TRPM6: variants seen among roughly 807,000 people sequenced by gnomAD.
The protein encoded by TRPM6 is channel kinase 2.
TRPM6 carries 111 observed loss-of-function variants against 247.6 expected under a neutral mutation model. The observed-to-expected ratio is 0.45, with a 90% CI of 0.38 to 0.52. The LOEUF (loss-of-function observed/expected upper bound fraction) is 0.52. Among genes scored for constraint, TRPM6 ranks in the 20% least tolerant of loss-of-function variants. TRPM6 has a pLI of 0.00. For synonymous variants in TRPM6, 892 were observed against 853.8 expected (o/e 1.04, Z -0.78); for missense variants, 2,126 against 2,421.5 (o/e 0.88, Z 2.56).
chr9:74,778,911 A>G (rs1827321260), intron 23 of TRPM6, among the ~76,000 whole-genome samples: 1 of 152,074 alleles, frequency 6.6e-6, no homozygotes, highest in South Asian at 2.1e-4. Context: ...TCCTTCCCAA[A>G]GAGTCCAAAG....
At chr9:74,790,560 C>T (rs900805285) in intron 19 of TRPM6, among the ~76,000 whole-genome samples, 6 of 152,148 alleles carry the variant, frequency 3.9e-5, no homozygotes, top group African/African-American at 1.4e-4. Context: ...TTAATGGTCT[C>T]CCCTACATAA....
At chr9:74,817,470 C>T (rs1012023583) in intron 9 of TRPM6, among the ~76,000 whole-genome samples, 7 of 152,178 alleles carry the variant, frequency 4.6e-5, no homozygotes, top group Non-Finnish European at 8.8e-5. Flanking sequence ...GGATTACAGG[C>T]GAGTCACCAC....
chr9:74,807,963 A>C (rs976862013), intron 14 of TRPM6, 71 bp downstream of exon 14: 80 of 1,577,170 alleles, frequency 5.1e-5, no homozygotes, highest in Non-Finnish European at 6.6e-5. Flanking sequence ...CTGAACTTCC[A>C]AGGCCATTTT....
intron 36 of TRPM6, among the ~76,000 whole-genome samples, chr9:74,736,683 A>C (rs935386403): frequency 6.6e-6 from 1 of 152,016 alleles, no homozygotes; most frequent in African/African-American, 2.4e-5. Flanking sequence ...TATGATGTCC[A>C]CTCTTTCCTT....
chr9:74,785,606 T>C (rs1212911506), intron 21 of TRPM6, among the ~76,000 whole-genome samples: 5 of 152,108 alleles, frequency 3.3e-5, no homozygotes, highest in Admixed American at 2.6e-4. Context: ...CACTGCAAGC[T>C]CCGCCTCCCG....
At chr9:74,824,158 CTT>C (rs35643292) in intron 7 of TRPM6, among the ~76,000 whole-genome samples, 6 of 144,072 alleles carry the variant, frequency 4.2e-5, no homozygotes, top group African/African-American at 5.1e-5. Flanking sequence ...GTTAGGTACA[CTT>C]TTTTTTTTTT....
At chr9:74,790,006 ATGTGTGTGTG>A (rs71912381) in intron 19 of TRPM6, among the ~76,000 whole-genome samples, 4 of 132,816 alleles carry the variant, frequency 3.0e-5, no homozygotes, top group African/African-American at 1.1e-4. Flanking sequence ...TGAGAGAAAA[ATGTGTGTGTG>A]TGTGTGTGTG....
intron 17 of TRPM6, among the ~76,000 whole-genome samples, chr9:74,798,384 T>A (rs1828177988): frequency 6.6e-6 from 1 of 152,184 alleles, no homozygotes; most frequent in Non-Finnish European, 1.5e-5. Flanking sequence ...TGTTTGTTTT[T>A]TGTCCAGATG....
At position 74,723,303 on chromosome 9, in the gene TRPM6, T is replaced by G. The variant is rs1825197053; in HGVS notation, c.*1310A>C. ...GGAAGCAAACACCTGTGAAACATGT[T>G]TTCAGTCTGAAACCGTATCTTTCTT... On this transcript the variant is annotated 3_prime_UTR_variant, in exon 39 of 39. Transcript: ENST00000360774. The G allele has an allele frequency of 6.6e-6, 1 of 152,110 alleles. No individual in the cohort carries two copies. Among genetic ancestry groups the G allele is most frequent in the Non-Finnish European group, 1.5e-5 (1 of 68,020 alleles). 9.4% of individuals were successfully genotyped at this position (152,110 alleles called of 1,614,324 possible).
chr9:74,799,549 T>TA (rs778919820), intron 17 of TRPM6, among the ~76,000 whole-genome samples: 2 of 145,106 alleles, frequency 1.4e-5, no homozygotes, highest in African/African-American at 2.5e-5. Flanking sequence ...CACACACACA[T>TA]ACACACACAC....
Position 74,833,968 on chromosome 9 carries a change from G to A in TRPM6, c.669+30C>T, listed in dbSNP as rs774104339. 3.7e-6 allele frequency: 6 copies of A among 1,612,880 alleles called. No individual in the cohort carries two copies. The East Asian group carries it at 1.1e-4, about 30-fold the overall frequency. On this transcript the variant is annotated intron_variant, in intron 6 of 38. Coordinates refer to ENST00000360774, the MANE Select transcript of TRPM6 (RefSeq NM_017662.5). ...TGGCAATTTGCACACGTGTTCGTTT[G>A]CTTTTGTTATGAAAGGATTGTCTAC...
intron 2 of TRPM6, 37 bp from the exon 3 acceptor site, chr9:74,855,602 G>A: frequency 7.1e-7 from 1 of 1,405,924 alleles, no homozygotes. Flanking sequence ...TAGTTTGTTG[G>A]TGTATCTGAA....
intron 5 of TRPM6, among the ~76,000 whole-genome samples, chr9:74,834,538 T>C (rs1375833271): frequency 1.3e-5 from 2 of 152,048 alleles, no homozygotes; most frequent in African/African-American, 4.8e-5. Context: ...TATGTATACA[T>C]GTGCCATGTT....
At chr9:74,861,599 T>C (rs1830691710) in intron 1 of TRPM6, among the ~76,000 whole-genome samples, 1 of 152,194 alleles carries the variant, frequency 6.6e-6, no homozygotes, top group African/African-American at 2.4e-5. Context: ...TCTTCATGCC[T>C]GTTTGTCTAT....
chr9:74,808,243 A>G, intron 13 of TRPM6, 69 bp from the exon 14 acceptor site: 1 of 1,592,922 alleles, frequency 6.3e-7, no homozygotes, highest in Non-Finnish European at 8.6e-7. Flanking sequence ...CCATGCCATT[A>G]GAACATAATC....
chr9:74,808,706 T>C (rs1398742111), intron 13 of TRPM6, among the ~76,000 whole-genome samples: 1 of 152,198 alleles, frequency 6.6e-6, no homozygotes, highest in African/African-American at 2.4e-5. Context: ...TTTGTTGAAA[T>C]GGATATAACA....
chr9:74,826,736 C>CT (rs561369498), intron 7 of TRPM6: 804 of 52,098 alleles, frequency 0.015, 21 homozygotes, highest in Admixed American at 0.099. Context: ...CTTTTTCTTT[C>CT]TTTTTTTTTT....
chr9:74,872,462 T>A (rs2118467645), intron 1 of TRPM6, among the ~76,000 whole-genome samples: 1 of 151,976 alleles, frequency 6.6e-6, no homozygotes, highest in African/African-American at 2.4e-5. Flanking sequence ...GGGTTTCTCA[T>A]TCCTGTGCCC....
intron 24 of TRPM6, among the ~76,000 whole-genome samples, chr9:74,773,979 G>A (rs1827132495): frequency 6.6e-6 from 1 of 152,158 alleles, no homozygotes; most frequent in Non-Finnish European, 1.5e-5. Flanking sequence ...GTGTCATGAT[G>A]TGAACCTTAT....
Sources: allele counts gnomAD v4.1 joint callset (sites outside exome capture counted in the v4.1 genomes callset), GRCh38; gene constraint gnomAD v4.1.1; transcripts MANE v1.5; gene names NCBI Gene and HGNC (gene_info 2026-07-23, HGNC 2026-07-21).